Variants in CUX2 observed in about 807,000 individuals in gnomAD.
The protein encoded by CUX2 is homeobox protein cut-like 2.
Under a neutral mutation model 144.8 loss-of-function variants are expected in CUX2, and 40 were observed. The observed-to-expected ratio is 0.28, with a 90% CI of 0.21 to 0.36. The LOEUF is 0.36. Among genes scored for constraint, CUX2 ranks in the 10% least tolerant of loss-of-function variants. CUX2 has a pLI of 1.00. For missense variants in CUX2, 1,615 were observed against 1,994.0 expected (o/e 0.81, Z 3.62); for synonymous variants, 827 against 875.6 (o/e 0.94, Z 0.98).
chr12:111,320,398 A>G lies in CUX2; in HGVS notation c.2389A>G (p.Ser797Gly), dbSNP rs1887461197. 3 of 1,597,872 alleles carry G rather than the reference A, an allele frequency of 1.9e-6. No homozygotes were observed. The highest frequency in any genetic ancestry group is 2.5e-6 in the Non-Finnish European group (3 of 1,179,080). Reference protein sequence around the residue: ...HHWASDRGLLSRPYASVSPSL... With the variant: ...HHWASDRGLLGRPYASVSPSL... Reference sequence around the variant, plus strand: ...CTGGGCCTCCGACCGCGGCCTGCTCAGCCGCCCCTACGCCTCCGTGTCGCC... The same window carrying G: ...CTGGGCCTCCGACCGCGGCCTGCTCGGCCGCCCCTACGCCTCCGTGTCGCC... The change falls in exon 17 of 22, where the codon AGC (serine) becomes GGC (glycine). Residue 797 changes from serine to glycine, a missense_variant. Ser to Gly is a moderately conservative substitution (Grantham distance 56, BLOSUM62 0). Coordinates refer to ENST00000261726, the MANE Select transcript of CUX2 (RefSeq NM_015267.4). The surrounding 1 kb of genome is among the most constrained non-coding windows in gnomAD (Gnocchi z 8.1).
intron 1 of CUX2, among the ~76,000 whole-genome samples, chr12:111,112,225 G>A (rs188216229): frequency 6.6e-6 from 1 of 152,042 alleles, no homozygotes; most frequent in East Asian, 1.9e-4. Flanking sequence ...GAAGAATTAA[G>A]CAGTCTGGGT....
At chr12:111,066,621 G>C (rs1260407055) in intron 1 of CUX2, among the ~76,000 whole-genome samples, 1 of 152,202 alleles carries the variant, frequency 6.6e-6, no homozygotes, top group Non-Finnish European at 1.5e-5. Flanking sequence ...CTTTATACAA[G>C]TGACAAGTAT....
At chr12:111,170,748 A>G (rs767383396) in intron 1 of CUX2, among the ~76,000 whole-genome samples, 24 of 152,000 alleles carry the variant, frequency 1.6e-4, no homozygotes, top group Non-Finnish European at 3.2e-4. Flanking sequence ...ATTCTCCGAC[A>G]GAAAGAGGAA....
At chr12:111,118,597 T>A (rs1245066836) in intron 1 of CUX2, among the ~76,000 whole-genome samples, 1 of 152,122 alleles carries the variant, frequency 6.6e-6, no homozygotes, top group Admixed American at 6.5e-5. Flanking sequence ...TCAGCCTCAA[T>A]CCAGGACCAC....
intron 3 of CUX2, among the ~76,000 whole-genome samples, chr12:111,261,001 G>A (rs933299832): frequency 6.6e-6 from 1 of 152,162 alleles, no homozygotes; most frequent in African/African-American, 2.4e-5. Flanking sequence ...CACCAGCACC[G>A]CAGCCTCTCG....
At chr12:111,191,739 G>C (rs1879903072) in intron 1 of CUX2, among the ~76,000 whole-genome samples, 1 of 152,152 alleles carries the variant, frequency 6.6e-6, no homozygotes, top group Non-Finnish European at 1.5e-5. Flanking sequence ...CCAGGCCTTT[G>C]GACCTGCTGT....
rs1887596136 is a variant in CUX2 at position 111,322,684 on chromosome 12, C to A, written c.2926+104C>A. Reference sequence around the variant, plus strand: ...GCCCGAGTCTACCTATCTCTCCCTCCCTGCTGCCCTGGCTTTCATCCCAGT... The same window carrying A: ...GCCCGAGTCTACCTATCTCTCCCTCACTGCTGCCCTGGCTTTCATCCCAGT... On this transcript the variant is annotated intron_variant, in intron 18 of 21. Coordinates refer to ENST00000261726, the MANE Select transcript of CUX2 (RefSeq NM_015267.4). This position sits in a 1 kb window ranked among gnomAD's most constrained non-coding sequence, Gnocchi z 4.2. 7.1e-7 allele frequency: 1 copy of A among 1,405,208 alleles called. No homozygotes were observed. Among genetic ancestry groups the A allele is most frequent in the African/African-American group, 1.4e-5 (1 of 70,636 alleles). The allele number at this position is 1,405,208 out of a possible 1,614,324, so 87.0% of individuals were successfully genotyped here. A position where few individuals can be genotyped will look rare whatever the true frequency, so the allele number is the denominator to read the frequency against.
intron 3 of CUX2, among the ~76,000 whole-genome samples, chr12:111,225,598 A>G (rs1882094116): frequency 6.6e-6 from 1 of 152,196 alleles, no homozygotes; most frequent in South Asian, 2.1e-4. Context: ...TGCAAACCTC[A>G]GCTTGGAGGG....
chr12:111,053,309 C>T (rs760005518), intron 1 of CUX2, among the ~76,000 whole-genome samples: 15 of 152,190 alleles, frequency 9.9e-5, no homozygotes, highest in Non-Finnish European at 1.9e-4. Context: ...CTAAGTCCCA[C>T]TAATGACAAG....
chr12:111,299,702 G>A (rs561627430), intron 9 of CUX2, among the ~76,000 whole-genome samples: 1 of 152,146 alleles, frequency 6.6e-6, no homozygotes, highest in Non-Finnish European at 1.5e-5. Flanking sequence ...TTTTTAGAAT[G>A]ATTTTTTGAA....
Position 111,255,413 on chromosome 12 carries a change from C to T in CUX2, c.223-8348C>T, listed in dbSNP as rs1014312776. Among the ~76,000 whole-genome samples, 6 of 152,250 alleles carry T rather than the reference C, an allele frequency of 3.9e-5. No individual in the cohort carries two copies. Among genetic ancestry groups the T allele is most frequent in the African/African-American group, 1.4e-4 (6 of 41,464 alleles). ...GAGCACGTTAGCACTCGCCAGGGAACGGGGGCCCCAGCAGACACACCTGGA... is the reference window on the plus strand; with the variant it reads ...GAGCACGTTAGCACTCGCCAGGGAATGGGGGCCCCAGCAGACACACCTGGA... On this transcript the variant is annotated intron_variant, in intron 3 of 21. Coordinates refer to ENST00000261726, the MANE Select transcript of CUX2 (RefSeq NM_015267.4). This position sits in a 1 kb window ranked among gnomAD's most constrained non-coding sequence, Gnocchi z 4.1.
In CUX2 at chr12:111,322,270, A is replaced by G; in HGVS notation, c.2767-151A>G. 1.3e-6 allele frequency: 1 copy of G among 790,852 alleles called. No homozygotes were observed. The allele number at this position is 790,852 out of a possible 1,614,324, so 49.0% of individuals were successfully genotyped here. ...GAGGCGGAGTTTGCAGTGAGCTGAG[A>G]TGGTGCCACTGCACTCCATCCTGGG... On this transcript the variant is annotated intron_variant, in intron 17 of 21. Coordinates refer to ENST00000261726, the MANE Select transcript of CUX2 (RefSeq NM_015267.4). The surrounding 1 kb of genome is among the most constrained non-coding windows in gnomAD (Gnocchi z 4.2).
intron 1 of CUX2, among the ~76,000 whole-genome samples, chr12:111,052,863 C>A (rs1870343402): frequency 6.6e-6 from 1 of 152,194 alleles, no homozygotes; most frequent in Non-Finnish European, 1.5e-5. Flanking sequence ...CTAAGCATGG[C>A]CACTGCAGAG....
intron 1 of CUX2, among the ~76,000 whole-genome samples, chr12:111,197,093 T>C (rs1592828616): frequency 1.3e-5 from 2 of 152,188 alleles, no homozygotes; most frequent in Admixed American, 6.5e-5. Context: ...CAGGTGCAAA[T>C]CCTAGCCCTG....
At chr12:111,220,968 A>C (rs1199452564) in intron 3 of CUX2, among the ~76,000 whole-genome samples, 1 of 149,964 alleles carries the variant, frequency 6.7e-6, no homozygotes, top group Non-Finnish European at 1.5e-5. Context: ...AAAAGGAAAA[A>C]GGATTCAAAC....
intron 1 of CUX2, among the ~76,000 whole-genome samples, chr12:111,075,058 G>A (rs540880989): frequency 1.3e-5 from 2 of 152,138 alleles, no homozygotes; most frequent in East Asian, 3.9e-4. Flanking sequence ...ACACCTGAGG[G>A]CTGCAGAGGA....
At chr12:111,258,938 G>C (rs1883969418) in intron 3 of CUX2, among the ~76,000 whole-genome samples, 1 of 152,102 alleles carries the variant, frequency 6.6e-6, no homozygotes, top group African/African-American at 2.4e-5. Flanking sequence ...TGCACTTAGA[G>C]TGCATTGCAG....
rs978951592 is a variant in CUX2, at chr12:111,348,613, A to C, written c.*288A>C. 2.9e-6 allele frequency: 1 copy of C among 339,864 alleles called. No homozygotes were observed. The highest frequency in any genetic ancestry group is 2.1e-5 in the African/African-American group (1 of 47,444). 21.1% of individuals were successfully genotyped at this position (339,864 alleles called of 1,614,324 possible). A position where few individuals can be genotyped will look rare whatever the true frequency, so the allele number is the denominator to read the frequency against. On this transcript the variant is annotated 3_prime_UTR_variant, in exon 22 of 22. Coordinates refer to ENST00000261726, the MANE Select transcript of CUX2 (RefSeq NM_015267.4). ...CACCACATATTCACCTGAAAACTCC[A>C]AACTCTTTTAGAAAAATAAATAAAT... is the stretch of plus-strand genomic sequence containing the variant.
chr12:111,109,989 C>T (rs377760784), intron 1 of CUX2, among the ~76,000 whole-genome samples: 8 of 152,088 alleles, frequency 5.3e-5, no homozygotes, highest in African/African-American at 1.9e-4. Context: ...CATCTTCCTG[C>T]CTCAGCCTCC....
Sources: gnomAD v4.1 joint callset for allele counts (sites outside exome capture counted in the v4.1 genomes callset) on GRCh38, gnomAD v4.1.1 for gene constraint, Gnocchi (gnomAD v3.1) non-coding constraint, MANE v1.5 for transcripts, NCBI Gene and HGNC (gene_info 2026-07-23, HGNC 2026-07-21) for gene names.